Variants in JAKMIP3 observed in about 807,000 individuals in gnomAD.
JAKMIP3 encodes janus kinase and microtubule-interacting protein 3.
A neutral mutation model predicts 118.5 loss-of-function variants in JAKMIP3; 58 were observed. That is an observed-to-expected ratio of 0.49 (90% CI 0.40 to 0.61). The LOEUF (loss-of-function observed/expected upper bound fraction) is 0.61, where lower values mean the gene tolerates loss of function less well. JAKMIP3 is among the 20% of genes least tolerant of loss of function. The pLI is 0.00. For synonymous variants in JAKMIP3, 486 were observed against 451.2 expected (o/e 1.08, Z -0.98); for missense variants, 950 against 1,109.0 (o/e 0.86, Z 2.04).
intron 1 of JAKMIP3, among the ~76,000 whole-genome samples, chr10:132,101,595 CTA>C (rs2044922264): frequency 6.6e-6 from 1 of 152,184 alleles, no homozygotes; most frequent in Non-Finnish European, 1.5e-5. Context: ...GCTCAATGCC[CTA>C]TGACAGCCAG....
chr10:132,164,999 G>A (rs1185453965), intron 21 of JAKMIP3, among the ~76,000 whole-genome samples: 3 of 152,206 alleles, frequency 2.0e-5, no homozygotes, highest in South Asian at 2.1e-4. Context: ...CCAGCCATGC[G>A]ACCGCAGAGG....
chr10:132,168,518 C>A lies in JAKMIP3; in HGVS notation c.*588C>A. 1 of 587,028 alleles carries A rather than the reference C, an allele frequency of 1.7e-6. No individual in the cohort carries two copies. The highest frequency in any genetic ancestry group is 2.6e-6 in the Non-Finnish European group (1 of 386,360). 36.4% of individuals were successfully genotyped at this position (587,028 alleles called of 1,614,324 possible). A position where few individuals can be genotyped will look rare whatever the true frequency, so the allele number is the denominator to read the frequency against. On this transcript the variant is annotated 3_prime_UTR_variant, in exon 23 of 24. Transcript: ENST00000684848. ...GATGCTGCAATATGTTGCTGGGGTCCTGAGCACCCGCTGGCCAACAGACCC... is the reference window on the plus strand; with the variant it reads ...GATGCTGCAATATGTTGCTGGGGTCATGAGCACCCGCTGGCCAACAGACCC...
intron 1 of JAKMIP3, among the ~76,000 whole-genome samples, chr10:132,067,626 G>GTGGGCTTCCGTGTGGACTC (rs1366989716): frequency 3.7e-5 from 2 of 54,318 alleles, no homozygotes; most frequent in African/African-American, 5.7e-5. Flanking sequence ...CGTGTGTACT[G>GTGGGCTTCCGTGTGGACTC]TGGGCTTCCG....
chr10:132,166,931 C>CT (rs1175791933), intron 21 of JAKMIP3, 52 bp from the exon 22 acceptor site: 31 of 1,340,922 alleles, frequency 2.3e-5, no homozygotes, highest in Middle Eastern at 1.8e-4. Flanking sequence ...ACTACAAACT[C>CT]TTTTTTCTCT....
At position 132,109,119 on chromosome 10, in the gene JAKMIP3, T is replaced by G. The variant is rs1203936161; in HGVS notation, c.135+4176T>G. Among the ~76,000 whole-genome samples, 16 of 143,246 alleles carry G rather than the reference T, an allele frequency of 1.1e-4. No individual in the cohort carries two copies. The East Asian group carries it at 1.8e-3, about 16-fold the overall frequency. 94.0% of individuals were successfully genotyped at this position (143,246 alleles called of 152,430 possible). ...ATATATATATACACACACACATATA[T>G]ATATACACACACACATATATATATA... On this transcript the variant is annotated intron_variant, in intron 2 of 23. Coordinates refer to ENST00000684848, the MANE Select transcript of JAKMIP3 (RefSeq NM_001323087.2).
intron 2 of JAKMIP3, among the ~76,000 whole-genome samples, chr10:132,106,678 C>T (rs189934112): frequency 2.6e-5 from 4 of 152,326 alleles, no homozygotes; most frequent in Admixed American, 6.5e-5. Flanking sequence ...CCAGAGGCCC[C>T]GACTCGCTGC....
At chr10:132,097,329 C>G (rs950407431) in intron 1 of JAKMIP3, among the ~76,000 whole-genome samples, 1 of 152,142 alleles carries the variant, frequency 6.6e-6, no homozygotes, top group Non-Finnish European at 1.5e-5. Flanking sequence ...AAGGGTGAAC[C>G]GTGGGCCACT....
intron 1 of JAKMIP3, among the ~76,000 whole-genome samples, chr10:132,101,678 T>G (rs2134771847): frequency 6.6e-6 from 1 of 151,766 alleles, no homozygotes; most frequent in East Asian, 1.9e-4. Flanking sequence ...GAGAGGGCAG[T>G]GGTGGCCCGG....
chr10:132,167,822 GCCCTCACCCCTCGGCCCTCGC>G (rs1425176814), intron 22 of JAKMIP3, 110 bp from the exon 23 acceptor site: 8 of 398,716 alleles, frequency 2.0e-5, no homozygotes, highest in African/African-American at 1.1e-4. Flanking sequence ...TCACCCCTCG[GCCCTCACCCCTCGGCCCTCGC>G]CCCTCGCCCC....
intron 9 of JAKMIP3, among the ~76,000 whole-genome samples, chr10:132,140,059 C>T (rs1056807243): frequency 4.6e-5 from 7 of 152,202 alleles, no homozygotes; most frequent in African/African-American, 1.4e-4. Context: ...CAGTCAAGGA[C>T]TGAAACTTTA....
At chr10:132,075,777 C>T (rs1042602551) in intron 1 of JAKMIP3, among the ~76,000 whole-genome samples, 3 of 152,118 alleles carry the variant, frequency 2.0e-5, no homozygotes, top group Non-Finnish European at 4.4e-5. Context: ...ATCTCTTATC[C>T]TTCCAAATGA....
chr10:132,148,677 C>T (rs2055186064), intron 14 of JAKMIP3, among the ~76,000 whole-genome samples: 1 of 152,244 alleles, frequency 6.6e-6, no homozygotes, highest in South Asian at 2.1e-4. Context: ...CATCCCTGGC[C>T]CTGTGTCCTC....
rs74351179 is a variant in JAKMIP3, at chr10:132,167,944, T to G, written c.*23-9T>G. On this transcript the variant is annotated splice_polypyrimidine_tract_variant and intron_variant, in intron 22 of 23. Coordinates refer to ENST00000684848, the MANE Select transcript of JAKMIP3 (RefSeq NM_001323087.2). Reference sequence around the variant, plus strand: ...GCTGACTCTGCACTCTACGTTTCATTTCTTCCAGCCCCACATTGAATCGGA... The same window carrying G: ...GCTGACTCTGCACTCTACGTTTCATGTCTTCCAGCCCCACATTGAATCGGA... The G allele has an allele frequency of 3.3e-3, 4,278 of 1,289,118 alleles. 118 individuals are homozygous for G. In the African/African-American group the frequency reaches 0.058, roughly 17 times the overall value. 79.9% of individuals were successfully genotyped at this position (1,289,118 alleles called of 1,614,324 possible).
chr10:132,165,242 A>AG (rs1178099781), intron 21 of JAKMIP3, among the ~76,000 whole-genome samples: 1 of 151,964 alleles, frequency 6.6e-6, no homozygotes, highest in Non-Finnish European at 1.5e-5. Flanking sequence ...CAGCTCCGTG[A>AG]GGTGTGGGGT....
chr10:132,155,391 ATTC>A (rs1303616823), intron 19 of JAKMIP3, among the ~76,000 whole-genome samples: 2 of 152,248 alleles, frequency 1.3e-5, no homozygotes, highest in East Asian at 1.9e-4. Context: ...GAATGTCAGC[ATTC>A]TTCTCCTGTG....
chr10:132,042,129 G>C (rs1231027696), intron 1 of JAKMIP3, among the ~76,000 whole-genome samples: 1 of 151,398 alleles, frequency 6.6e-6, no homozygotes, highest in Non-Finnish European at 1.5e-5. Context: ...GCTTCCCAAA[G>C]TGCTGGGATT....
intron 1 of JAKMIP3, among the ~76,000 whole-genome samples, chr10:132,067,877 C>A (rs1206251141): frequency 3.5e-5 from 5 of 141,362 alleles, no homozygotes; most frequent in Admixed American, 7.2e-5. Context: ...CTGTGGGCTT[C>A]CGTGTGGACT....
At chr10:132,145,300 A>G in intron 12 of JAKMIP3, 110 bp downstream of exon 12, 5 of 1,028,014 alleles carry the variant, frequency 4.9e-6, no homozygotes, top group Non-Finnish European at 7.2e-6. Context: ...TACAGCCTTG[A>G]CCTCCTGGGC....
intron 2 of JAKMIP3, among the ~76,000 whole-genome samples, chr10:132,108,270 C>T (rs1046106840): frequency 1.3e-5 from 2 of 152,160 alleles, no homozygotes; most frequent in African/African-American, 2.4e-5. Flanking sequence ...ATTGAACCTG[C>T]CCAGGGCCGC....
Sources: allele counts gnomAD v4.1 joint callset (sites outside exome capture counted in the v4.1 genomes callset), GRCh38; gene constraint gnomAD v4.1.1; transcripts MANE v1.5; gene names NCBI Gene and HGNC (gene_info 2026-07-23, HGNC 2026-07-21).